Variants in MGA observed in about 807,000 individuals in gnomAD.
MGA encodes the protein MAX dimerization protein MGA.
A neutral mutation model predicts 261.1 loss-of-function variants in MGA; 40 were observed. The ratio of observed to expected loss-of-function variants is 0.15; its 90% confidence interval spans 0.12 to 0.20. The LOEUF (loss-of-function observed/expected upper bound fraction) is 0.20, where lower values mean the gene tolerates loss of function less well. MGA is among the 10% of genes least tolerant of loss of function. The pLI is 1.00. For synonymous variants in MGA, 1,302 were observed against 1,290.6 expected, an observed-to-expected ratio of 1.01 and a Z score of -0.19; for missense variants, 3,397 against 3,630.5, an observed-to-expected ratio of 0.94 and a Z score of 1.65.
intron 1 of MGA, among the ~76,000 whole-genome samples, chr15:41,635,102 G>A (rs1019670821): frequency 2.0e-5 from 3 of 152,102 alleles, no homozygotes; most frequent in Non-Finnish European, 4.4e-5. Flanking sequence ...GGGAGGCTGA[G>A]GCAGTTGGAT....
chr15:41,718,286 A>ATGTGT (rs1555424370), intron 9 of MGA: 7 of 209,538 alleles, frequency 3.3e-5, no homozygotes, highest in African/African-American at 1.3e-4. Context: ...GTGTATATGT[A>ATGTGT]GTGTGTGTGT....
chr15:41,718,671 C>G, intron 9 of MGA: 1 of 266,592 alleles, frequency 3.8e-6, no homozygotes, highest in Non-Finnish European at 7.2e-6. Flanking sequence ...CTGGTGTGTT[C>G]AAGCTCCACC....
At chr15:41,632,079 CAT>C (rs1368767776) in intron 1 of MGA, among the ~76,000 whole-genome samples, 1 of 152,156 alleles carries the variant, frequency 6.6e-6, no homozygotes, top group African/African-American at 2.4e-5. Flanking sequence ...CTCACTACCT[CAT>C]AGTTTATCTC....
In MGA at chr15:41,710,955, A is replaced by G; in HGVS notation, c.2690A>G (p.Lys897Arg). 1 of 1,613,974 alleles carries G rather than the reference A, an allele frequency of 6.2e-7. No individual in the cohort carries two copies. Among genetic ancestry groups the G allele is most frequent in the Non-Finnish European group, 8.5e-7 (1 of 1,179,884 alleles). The change falls in exon 8 of 24, where the codon AAG (lysine) becomes AGG (arginine). Residue 897 changes from lysine (K) to arginine (R), a missense_variant. Coordinates refer to ENST00000219905, the MANE Select transcript of MGA (RefSeq NM_001164273.2). Reference sequence around the variant, plus strand: ...CATTCTGTACCCCCTGTCTCTCGAAAGGCAAAGTCTCAAAACAGACAGGCA... The same window carrying G: ...CATTCTGTACCCCCTGTCTCTCGAAGGGCAAAGTCTCAAAACAGACAGGCA...
chr15:41,631,984 C>G (rs1459336533), intron 1 of MGA, among the ~76,000 whole-genome samples: 1 of 152,054 alleles, frequency 6.6e-6, no homozygotes, highest in Non-Finnish European at 1.5e-5. Context: ...ATATTACTCT[C>G]AATAAAATTC....
At chr15:41,700,119 A>G (rs1371954365) in intron 5 of MGA, among the ~76,000 whole-genome samples, 1 of 138,464 alleles carries the variant, frequency 7.2e-6, no homozygotes, top group African/African-American at 2.7e-5. Flanking sequence ...ATCTCAGCTC[A>G]CTGCAAGCTC....
At chr15:41,679,783 ATAT>A (rs1231781999) in intron 2 of MGA, among the ~76,000 whole-genome samples, 1 of 151,916 alleles carries the variant, frequency 6.6e-6, no homozygotes, top group Admixed American at 6.6e-5. Flanking sequence ...AAGTTTCTCT[ATAT>A]AAGATTGCAC....
intron 1 of MGA, among the ~76,000 whole-genome samples, chr15:41,626,100 A>G (rs1413486574): frequency 6.6e-6 from 1 of 152,172 alleles, no homozygotes; most frequent in African/African-American, 2.4e-5. Context: ...AACACTGTGT[A>G]TAGGGTTCAA....
chr15:41,699,294 C>A, intron 5 of MGA, 135 bp downstream of exon 5: 1 of 610,022 alleles, frequency 1.6e-6, no homozygotes, highest in Non-Finnish European at 2.8e-6. Context: ...GATTTCATTT[C>A]TTTCAGCACG....
chr15:41,621,640 T>G (rs1362160233), intron 1 of MGA: 1 of 142,136 alleles, frequency 7.0e-6, no homozygotes, highest in African/African-American at 2.6e-5. Context: ...CCCACGCGCC[T>G]GGTGGCGTGT....
chr15:41,627,630 A>T (rs1387194283), intron 1 of MGA, among the ~76,000 whole-genome samples: 1 of 152,248 alleles, frequency 6.6e-6, no homozygotes, highest in Non-Finnish European at 1.5e-5. Flanking sequence ...ATCTGTTGAT[A>T]TTCTACACAT....
intron 15 of MGA, among the ~76,000 whole-genome samples, chr15:41,744,699 C>T (rs2062338853): frequency 6.6e-6 from 1 of 152,114 alleles, no homozygotes; most frequent in African/African-American, 2.4e-5. Context: ...TGTTTCTGTA[C>T]TCTTAATTCT....
intron 1 of MGA, among the ~76,000 whole-genome samples, chr15:41,622,277 C>T (rs377526275): frequency 1.3e-5 from 2 of 152,252 alleles, no homozygotes; most frequent in African/African-American, 4.8e-5. Flanking sequence ...TCTCATTCAG[C>T]TCGGTAGAGG....
chr15:41,651,957 A>C (rs80215416), intron 1 of MGA, among the ~76,000 whole-genome samples: 3,015 of 15,224 alleles, frequency 0.2, no homozygotes, highest in Middle Eastern at 0.31. Context: ...TCTTCCCCCC[A>C]CCTTTTTTTT....
At chr15:41,674,345 A>G (rs1324223685) in intron 2 of MGA, among the ~76,000 whole-genome samples, 1 of 150,560 alleles carries the variant, frequency 6.6e-6, no homozygotes. Flanking sequence ...ACAGGTGCCT[A>G]CCACCATGCC....
chr15:41,696,626 T>G lies in MGA; in HGVS notation c.1616T>G (p.Val539Gly). Residue 539 changes from valine to glycine, a missense_variant, in exon 3 of 24, where the codon GTG becomes GGG. This residue lies in a region of MGA where 563 missense variants were observed against 563.6 expected (regional missense o/e 1.00). Transcript: ENST00000219905. ...AGAAAACATTCACCAGATCTCAGAG[T>G]GGTACAAAAATATCCCTTACTGAAA... The G allele has an allele frequency of 6.2e-7, 1 of 1,613,398 alleles. No individual in the cohort carries two copies.
At chr15:41,765,976 TTTTC>T (rs751754634) in intron 23 of MGA, 24 bp from the exon 24 acceptor site, 65 of 1,578,956 alleles carry the variant, frequency 4.1e-5, no homozygotes, top group Non-Finnish European at 1.2e-5. Flanking sequence ...CTAAATGAAT[TTTTC>T]TTTTTTTAAT....
At chr15:41,656,548 C>A (rs1460290481), upstream of MGA, among the ~76,000 whole-genome samples, 1 of 151,388 alleles carries the variant, frequency 6.6e-6, no homozygotes, top group Non-Finnish European at 1.5e-5. Context: ...TTGGTAGAGA[C>A]AGGGTCTTGC....
intron 1 of MGA, among the ~76,000 whole-genome samples, chr15:41,635,995 T>C (rs952590985): frequency 6.6e-6 from 1 of 152,198 alleles, no homozygotes; most frequent in African/African-American, 2.4e-5. Flanking sequence ...CAGTACTAGA[T>C]GATACTGCAA....
Sources: allele counts gnomAD v4.1 joint callset (sites outside exome capture counted in the v4.1 genomes callset), GRCh38; gene constraint gnomAD v4.1.1; regional missense constraint gnomAD v4.1.1; transcripts MANE v1.5; gene names NCBI Gene and HGNC (gene_info 2026-07-23, HGNC 2026-07-21).